The following RASA1 variants were observed in gnomAD, a reference collection of about 807,000 sequenced individuals.
RASA1 encodes the protein ras GTPase-activating protein 1.
RASA1 carries 25 observed loss-of-function variants against 132.2 expected under a neutral mutation model. The ratio of observed to expected loss-of-function variants is 0.19; its 90% confidence interval spans 0.14 to 0.26. The LOEUF (loss-of-function observed/expected upper bound fraction) is 0.26. RASA1 is among the 10% of genes least tolerant of loss of function. RASA1 has a pLI of 1.00. For missense variants in RASA1, 964 were observed against 1,299.2 expected (o/e 0.74, Z 3.97); for synonymous variants, 477 against 449.9 (o/e 1.06, Z -0.76).
chr5:87,316,692 G>A (rs1756366776), intron 1 of RASA1, among the ~76,000 whole-genome samples: 1 of 152,080 alleles, frequency 6.6e-6, no homozygotes, highest in Non-Finnish European at 1.5e-5. Flanking sequence ...TCCCTGTTTT[G>A]GGGGAACTTC....
At chr5:87,283,731 CT>C (rs1754421843) in intron 1 of RASA1, among the ~76,000 whole-genome samples, 3 of 152,090 alleles carry the variant, frequency 2.0e-5, no homozygotes, top group Admixed American at 2.0e-4. Context: ...CAAACCCAAG[CT>C]TTTGACCCCT....
At chr5:87,310,411 A>C (rs1322137199) in intron 1 of RASA1, among the ~76,000 whole-genome samples, 1 of 152,184 alleles carries the variant, frequency 6.6e-6, no homozygotes, top group Non-Finnish European at 1.5e-5. Context: ...GAGTTGAATT[A>C]AGAAATTATT....
chr5:87,331,464 C>G lies in RASA1; in HGVS notation c.656C>G (p.Ser219Ter), dbSNP rs1554044823. 6.2e-7 allele frequency: 1 copy of G among 1,613,870 alleles called. No individual in the cohort carries two copies. The highest frequency in any genetic ancestry group is 8.5e-7 in the Non-Finnish European group (1 of 1,179,844). The change falls in exon 2 of 25, where the codon TCA (serine) becomes TGA (stop). Residue 219 changes from serine (S) to a stop codon, truncating the protein, a stop_gained. Coordinates refer to ENST00000274376, the MANE Select transcript of RASA1 (RefSeq NM_002890.3). LOFTEE classifies it high-confidence loss of function. ...CGGAGGCCAGGGTCCTTTGTACTTTCATTTCTTAGCCAGATGAATGTTGTC... is the reference window on the plus strand; with the variant it reads ...CGGAGGCCAGGGTCCTTTGTACTTTGATTTCTTAGCCAGATGAATGTTGTC... Reference protein sequence around the residue: ...SDRRPGSFVLSFLSQMNVVNH... With the variant: ...SDRRPGSFVL
At chr5:87,328,438 C>A (rs998009933) in intron 1 of RASA1, among the ~76,000 whole-genome samples, 1 of 152,016 alleles carries the variant, frequency 6.6e-6, no homozygotes, top group Non-Finnish European at 1.5e-5. Flanking sequence ...AATATGTTTT[C>A]TTGTATTTCT....
chr5:87,374,444 T>TGC, intron 14 of RASA1, 124 bp downstream of exon 14: 1 of 235,954 alleles, frequency 4.2e-6, no homozygotes, highest in East Asian at 1.2e-4. Flanking sequence ...TCTAATAGCA[T>TGC]ATATATATAT....
intron 1 of RASA1, among the ~76,000 whole-genome samples, chr5:87,298,971 C>T (rs1755237623): frequency 6.6e-6 from 1 of 152,176 alleles, no homozygotes; most frequent in Non-Finnish European, 1.5e-5. Flanking sequence ...GCATTTTGGG[C>T]CTGTGCTCTT....
intron 11 of RASA1, 76 bp from the exon 12 acceptor site, chr5:87,369,737 A>G: frequency 1.1e-6 from 1 of 871,974 alleles, no homozygotes; most frequent in Non-Finnish European, 1.9e-6. Flanking sequence ...ATTTATTGTG[A>G]GTGTTTTGGA....
intron 1 of RASA1, among the ~76,000 whole-genome samples, chr5:87,323,858 C>T (rs1035360687): frequency 2.0e-5 from 3 of 152,060 alleles, no homozygotes; most frequent in Non-Finnish European, 4.4e-5. Flanking sequence ...GAAATGTATG[C>T]TAAAATTCTA....
At chr5:87,307,425 C>T (rs984907013) in intron 1 of RASA1, among the ~76,000 whole-genome samples, 1 of 152,132 alleles carries the variant, frequency 6.6e-6, no homozygotes, top group Non-Finnish European at 1.5e-5. Context: ...CGTGCCACTG[C>T]ACTCCAGCCT....
Position 87,331,334 on chromosome 5 carries a change from T to C in RASA1, c.540-14T>C. 6.3e-7 allele frequency: 1 copy of C among 1,587,686 alleles called. No homozygotes were observed. The highest frequency in any genetic ancestry group is 2.2e-5 in the East Asian group (1 of 44,678). ...GCTATTTATATTGTAATATCTTCTC[T>C]GTTTTTCCCCTAGGTGGTATCACGG... On this transcript the variant is annotated splice_polypyrimidine_tract_variant and intron_variant, in intron 1 of 24. Transcript: ENST00000274376.
intron 1 of RASA1, among the ~76,000 whole-genome samples, chr5:87,274,001 G>C (rs1030807068): frequency 5.3e-5 from 8 of 152,088 alleles, no homozygotes; most frequent in Non-Finnish European, 1.2e-4. Flanking sequence ...CGGCCAATAG[G>C]AAGATTTCAT....
rs1756121877 is a variant in RASA1 at position 87,313,984 on chromosome 5, A to AGG, written c.540-17364_540-17363insGG. On this transcript the variant is annotated intron_variant, in intron 1 of 24. Transcript: ENST00000274376. ...GGAGTTTGAGACTACCCTGACCAAC[A>AGG]TGGAGAAACCCTGTCTCTACTAAAA... 2.0e-5 allele frequency among the ~76,000 whole-genome samples: 3 copies of AGG among 151,914 alleles called. No individual in the cohort carries two copies. In the South Asian group the frequency reaches 6.2e-4, roughly 32 times the overall value.
At chr5:87,351,746 C>CT (rs1262783436) in intron 8 of RASA1, among the ~76,000 whole-genome samples, 7 of 151,728 alleles carry the variant, frequency 4.6e-5, no homozygotes, top group Non-Finnish European at 1.0e-4. Context: ...TAAAAAAACT[C>CT]TTAAGTCTAG....
intron 24 of RASA1, 81 bp from the exon 25 acceptor site, chr5:87,390,719 G>T: frequency 8.5e-7 from 1 of 1,182,202 alleles, no homozygotes; most frequent in Non-Finnish European, 1.3e-6. Flanking sequence ...CTTTGATACA[G>T]TTTTTTTCAA....
Position 87,391,191 on chromosome 5 carries a change from T to A in RASA1, c.*308T>A, listed in dbSNP as rs1297238132. 2.1e-6 allele frequency: 1 copy of A among 478,652 alleles called. No individual in the cohort carries two copies. The highest frequency in any genetic ancestry group is 3.8e-6 in the Non-Finnish European group (1 of 263,646). The allele number at this position is 478,652 out of a possible 1,614,324, so 29.7% of individuals were successfully genotyped here. A position where few individuals can be genotyped will look rare whatever the true frequency, so the allele number is the denominator to read the frequency against. On this transcript the variant is annotated 3_prime_UTR_variant, in exon 25 of 25. Transcript: ENST00000274376. Reference sequence around the variant, plus strand: ...GACTGTATCTTGATATCTCGAACTTTCAAAATATATTTTCAGTACACCCAG... The same window carrying A: ...GACTGTATCTTGATATCTCGAACTTACAAAATATATTTTCAGTACACCCAG...
At chr5:87,322,208 C>T (rs1172362318) in intron 1 of RASA1, among the ~76,000 whole-genome samples, 1 of 152,062 alleles carries the variant, frequency 6.6e-6, no homozygotes, top group Non-Finnish European at 1.5e-5. Context: ...CTGTCTATGG[C>T]CTGTTAGGAG....
chr5:87,355,348 A>T (rs1191438458), intron 9 of RASA1, among the ~76,000 whole-genome samples: 1 of 152,194 alleles, frequency 6.6e-6, no homozygotes, highest in East Asian at 1.9e-4. Flanking sequence ...CTATTCTGAA[A>T]ATCCTAGGAG....
At chr5:87,292,541 A>G (rs1214974440) in intron 1 of RASA1, among the ~76,000 whole-genome samples, 2 of 152,090 alleles carry the variant, frequency 1.3e-5, no homozygotes, top group Admixed American at 1.3e-4. Context: ...CCTTTTCTGA[A>G]ATACCACACT....
At chr5:87,371,281 A>T (rs1269416235) in intron 12 of RASA1, among the ~76,000 whole-genome samples, 1 of 151,934 alleles carries the variant, frequency 6.6e-6, no homozygotes, top group Non-Finnish European at 1.5e-5. Flanking sequence ...ATTCTCTTCT[A>T]TTTCAAAAAG....
Sources: gnomAD v4.1 joint callset for allele counts (sites outside exome capture counted in the v4.1 genomes callset) on GRCh38, gnomAD v4.1.1 for gene constraint, MANE v1.5 for transcripts, NCBI Gene and HGNC (gene_info 2026-07-23, HGNC 2026-07-21) for gene names.